VAPB: variants seen among roughly 807,000 people sequenced by gnomAD.
VAPB encodes vesicle-associated membrane protein-associated protein B/C.
Under a neutral mutation model 25.6 loss-of-function variants are expected in VAPB, and 7 were observed. The observed-to-expected ratio is 0.27, with a 90% CI of 0.16 to 0.51. VAPB has a LOEUF of 0.51. Among genes scored for constraint, VAPB ranks in the 20% least tolerant of loss-of-function variants. VAPB has a pLI of 0.97. For missense variants in VAPB, 266 were observed against 301.3 expected, an observed-to-expected ratio of 0.88 and a Z score of 0.87; for synonymous variants, 112 against 109.2, an observed-to-expected ratio of 1.03 and a Z score of -0.16.
At chr20:58,396,735 G>T (rs77853255) in intron 1 of VAPB, among the ~76,000 whole-genome samples, 8,622 of 152,310 alleles carry the variant, frequency 0.057, 385 homozygotes, top group Non-Finnish European at 0.084. Flanking sequence ...GAAAGGTAAA[G>T]AAGGAACAAA....
intron 2 of VAPB, among the ~76,000 whole-genome samples, chr20:58,422,469 T>G (rs924933436): frequency 6.6e-6 from 1 of 152,226 alleles, no homozygotes; most frequent in African/African-American, 2.4e-5. Context: ...ACGAATTGTT[T>G]TGAGGCAGTG....
rs762569058 is a variant in VAPB at position 58,444,584 on chromosome 20, A to G, written c.*349A>G. Reference sequence around the variant, plus strand: ...GCTGGATTACCTCTCTTAAAATGACACCCTTCCTCGCCTGTTGGTGCTGGC... The same window carrying G: ...GCTGGATTACCTCTCTTAAAATGACGCCCTTCCTCGCCTGTTGGTGCTGGC... On this transcript the variant is annotated 3_prime_UTR_variant, in exon 6 of 6. Transcript: ENST00000475243. 1 of 462,080 alleles carries G rather than the reference A, an allele frequency of 2.2e-6. No individual in the cohort carries two copies. Among genetic ancestry groups the G allele is most frequent in the South Asian group, 1.5e-5 (1 of 64,552 alleles). 28.6% of individuals were successfully genotyped at this position (462,080 alleles called of 1,614,324 possible).
chr20:58,389,935 C>G (rs1214307644), intron 1 of VAPB, among the ~76,000 whole-genome samples: 1 of 152,212 alleles, frequency 6.6e-6, no homozygotes, highest in African/African-American at 2.4e-5. Context: ...CTGTGACCAC[C>G]CAGCCACCGT....
At chr20:58,414,651 A>T (rs1311531809) in intron 1 of VAPB, among the ~76,000 whole-genome samples, 1 of 150,254 alleles carries the variant, frequency 6.7e-6, no homozygotes, top group African/African-American at 2.5e-5. Context: ...GACGCTCCTC[A>T]CTTCCTAGAT....
chr20:58,444,154 A>T lies in VAPB; in HGVS notation c.651A>T (p.Glu217Asp). The change falls in exon 6 of 6, where the codon GAA becomes GAT. Residue 217 changes from glutamate to aspartate, a missense_variant. Coordinates refer to ENST00000475243, the MANE Select transcript of VAPB (RefSeq NM_004738.5). Reference sequence around the variant, plus strand: ...CAGCATTAGCCCCAACTGGGAAGGAAGAAGGCCTTAGCACCCGGCTCTTGG... The same window carrying T: ...CAGCATTAGCCCCAACTGGGAAGGATGAAGGCCTTAGCACCCGGCTCTTGG... ...PISALAPTGK[E>D]EGLSTRLLAL... 6.2e-7 allele frequency: 1 copy of T among 1,614,192 alleles called. No individual in the cohort carries two copies. Among genetic ancestry groups the T allele is most frequent in the Admixed American group, 1.7e-5 (1 of 60,032 alleles).
intron 1 of VAPB, among the ~76,000 whole-genome samples, chr20:58,393,113 A>G (rs1486369946): frequency 6.6e-6 from 1 of 152,146 alleles, no homozygotes; most frequent in Non-Finnish European, 1.5e-5. Flanking sequence ...AGCTCACTGT[A>G]GCCTCAAACT....
At chr20:58,392,275 C>T (rs1245753573) in intron 1 of VAPB, among the ~76,000 whole-genome samples, 1 of 152,150 alleles carries the variant, frequency 6.6e-6, no homozygotes, top group Admixed American at 6.5e-5. Flanking sequence ...GATTAGACAA[C>T]CACTTAACTA....
At position 58,389,295 on chromosome 20, in the gene VAPB, T is replaced by A. The variant is rs374366107; in HGVS notation, c.-165T>A. The stretch of plus-strand genomic sequence containing the variant: ...CCTCCGCCCCTGCGCCTGCACCGCG[T>A]AGACCGACCCCCCCCCAGCGCGCCC... On this transcript the variant is annotated 5_prime_UTR_variant, in exon 1 of 6. Coordinates refer to ENST00000475243, the MANE Select transcript of VAPB (RefSeq NM_004738.5). 1.5e-6 allele frequency: 1 copy of A among 675,202 alleles called. No homozygotes were observed. Among genetic ancestry groups the A allele is most frequent in the African/African-American group, 2.0e-5 (1 of 50,804 alleles). 41.8% of individuals were successfully genotyped at this position (675,202 alleles called of 1,614,324 possible).
At chr20:58,426,957 G>A (rs1237435371) in intron 2 of VAPB, among the ~76,000 whole-genome samples, 1 of 152,212 alleles carries the variant, frequency 6.6e-6, no homozygotes, top group Non-Finnish European at 1.5e-5. Context: ...AGACGAAAGT[G>A]ATCTGTGATC....
chr20:58,413,625 ATTGTCATCCTGGCCCG>A (rs1164891175), intron 1 of VAPB, among the ~76,000 whole-genome samples: 3 of 151,644 alleles, frequency 2.0e-5, no homozygotes, highest in Non-Finnish European at 4.4e-5. Flanking sequence ...CAAAGCCGCC[ATTGTCATCCTGGCCCG>A]TTCTCAATGA....
intron 2 of VAPB, among the ~76,000 whole-genome samples, chr20:58,428,880 C>G (rs1988865849): frequency 6.6e-6 from 1 of 152,144 alleles, no homozygotes; most frequent in African/African-American, 2.4e-5. Flanking sequence ...GATGTGGATA[C>G]TGAGATACTC....
chr20:58,435,224 T>G (rs1989016109), intron 3 of VAPB, among the ~76,000 whole-genome samples: 1 of 152,148 alleles, frequency 6.6e-6, no homozygotes. Context: ...TTCTCTAATT[T>G]TGATAAAATT....
At position 58,434,478 on chromosome 20, in the gene VAPB, C is replaced by A; in HGVS notation, c.212-124C>A. 4.4e-6 allele frequency: 3 copies of A among 686,516 alleles called. No individual in the cohort carries two copies. In the South Asian group the frequency reaches 4.5e-5, roughly 10 times the overall value. The allele number at this position is 686,516 out of a possible 1,614,324, so 42.5% of individuals were successfully genotyped here. On this transcript the variant is annotated intron_variant, in intron 2 of 5. Coordinates refer to ENST00000475243, the MANE Select transcript of VAPB (RefSeq NM_004738.5). The stretch of plus-strand genomic sequence containing the variant: ...TCATCCTTGCTTACTTCACCAGGGG[C>A]GTCCATCCTAAGACATAAGAGAATG...
chr20:58,389,886 C>T (rs1177436614), intron 1 of VAPB, among the ~76,000 whole-genome samples: 2 of 152,242 alleles, frequency 1.3e-5, no homozygotes, highest in Non-Finnish European at 2.9e-5. Flanking sequence ...GTGTTGACCT[C>T]AGGGCTTAGT....
chr20:58,392,259 T>C (rs754943536), intron 1 of VAPB, among the ~76,000 whole-genome samples: 4 of 152,224 alleles, frequency 2.6e-5, no homozygotes, highest in African/African-American at 9.7e-5. Context: ...CATAGTACTA[T>C]ACAGAGATTA....
intron 3 of VAPB, 44 bp downstream of exon 3, chr20:58,434,749 A>T (rs777740101): frequency 1.4e-5 from 13 of 961,200 alleles, no homozygotes; most frequent in African/African-American, 4.8e-5. Context: ...ACAATAATTT[A>T]AAAAACCAAT....
At chr20:58,397,378 G>A (rs964982683) in intron 1 of VAPB, among the ~76,000 whole-genome samples, 2 of 152,108 alleles carry the variant, frequency 1.3e-5, no homozygotes, top group African/African-American at 4.8e-5. Context: ...AATTAGCCGG[G>A]CATGGTAGCG....
At chr20:58,419,539 T>A (rs751042126) in intron 2 of VAPB, among the ~76,000 whole-genome samples, 2 of 152,226 alleles carry the variant, frequency 1.3e-5, no homozygotes, top group Non-Finnish European at 2.9e-5. Context: ...CTGTAAGGGA[T>A]GCATTGTCAC....
Position 58,450,970 on chromosome 20 carries a change from A to C in VAPB, c.*6735A>C. 1 of 454,142 alleles carries C rather than the reference A, an allele frequency of 2.2e-6. No homozygotes were observed. The allele number at this position is 454,142 out of a possible 1,614,324, so 28.1% of individuals were successfully genotyped here. On this transcript the variant is annotated 3_prime_UTR_variant, in exon 6 of 6. Coordinates refer to ENST00000475243, the MANE Select transcript of VAPB (RefSeq NM_004738.5). ...GTATTTCTGCAGGGTCCAGACCAAA[A>C]GAGCCATTTACAGCATGTTCTCCCA...
Sources: allele counts gnomAD v4.1 joint callset (sites outside exome capture counted in the v4.1 genomes callset), GRCh38; gene constraint gnomAD v4.1.1; transcripts MANE v1.5; gene names NCBI Gene and HGNC (gene_info 2026-07-23, HGNC 2026-07-21).